The following CTIF variants were observed in gnomAD, a reference collection of about 807,000 sequenced individuals.
CTIF encodes the protein CBP80/20-dependent translation initiation factor.
CTIF carries 21 observed loss-of-function variants against 66.0 expected under a neutral mutation model. The ratio of observed to expected loss-of-function variants is 0.32; its 90% confidence interval spans 0.23 to 0.46. The LOEUF (loss-of-function observed/expected upper bound fraction) is 0.46. Among genes scored for constraint, CTIF ranks in the 20% least tolerant of loss-of-function variants. The pLI, the probability that CTIF is intolerant of heterozygous loss-of-function variation, is 1.00. For missense variants in CTIF, 739 were observed against 812.7 expected (o/e 0.91, Z 1.10); for synonymous variants, 345 against 326.4 (o/e 1.06, Z -0.62).
intron 1 of CTIF, chr18:48,568,296 T>C (rs1222571345): frequency 6.6e-6 from 1 of 151,944 alleles, no homozygotes; most frequent in East Asian, 1.9e-4. Flanking sequence ...GGGAGGATGG[T>C]CAGTGAGCTC....
chr18:48,675,016 C>G (rs1479696908), intron 6 of CTIF, among the ~76,000 whole-genome samples: 1 of 140,222 alleles, frequency 7.1e-6, no homozygotes, highest in Admixed American at 7.7e-5. Context: ...ACTGACATTG[C>G]TCTCTAAGAA....
intron 2 of CTIF, among the ~76,000 whole-genome samples, chr18:48,629,221 G>A: frequency 6.6e-6 from 1 of 152,206 alleles, no homozygotes; most frequent in East Asian, 1.9e-4. Context: ...CCTGGCCTGT[G>A]GACCCCCAAA....
At chr18:48,640,328 G>C (rs923958242) in intron 3 of CTIF, among the ~76,000 whole-genome samples, 2 of 152,210 alleles carry the variant, frequency 1.3e-5, no homozygotes, top group Non-Finnish European at 2.9e-5. Context: ...CCTAAGACGG[G>C]AGTCAGGGCG....
chr18:48,686,611 C>T (rs2091844558), intron 6 of CTIF, among the ~76,000 whole-genome samples: 3 of 152,136 alleles, frequency 2.0e-5, no homozygotes, highest in South Asian at 4.2e-4. Context: ...TCTGCTTCTC[C>T]AGAAATAAAC....
chr18:48,599,582 A>G (rs1224455162), intron 1 of CTIF, among the ~76,000 whole-genome samples: 1 of 152,164 alleles, frequency 6.6e-6, no homozygotes, highest in Non-Finnish European at 1.5e-5. Flanking sequence ...GCCCTTCGTA[A>G]ACAATTCCTG....
chr18:48,830,766 A>T (rs952033265), intron 10 of CTIF, among the ~76,000 whole-genome samples: 1 of 36,302 alleles, frequency 2.8e-5, no homozygotes, highest in Non-Finnish European at 6.0e-5. Context: ...CTGTCCCCCC[A>T]CCACTGTCCC....
intron 1 of CTIF, among the ~76,000 whole-genome samples, chr18:48,572,308 G>C (rs1291572442): frequency 1.3e-5 from 2 of 152,164 alleles, no homozygotes; most frequent in Non-Finnish European, 2.9e-5. Flanking sequence ...ATCTAGATGA[G>C]TGTTTGAGCA....
intron 1 of CTIF, among the ~76,000 whole-genome samples, chr18:48,613,786 G>A (rs1358818274): frequency 6.6e-6 from 1 of 152,216 alleles, no homozygotes; most frequent in Non-Finnish European, 1.5e-5. Context: ...GGAAGCACAG[G>A]CGAAGGAGCT....
intron 1 of CTIF, among the ~76,000 whole-genome samples, chr18:48,615,406 T>C (rs532718729): frequency 6.6e-6 from 1 of 152,280 alleles, no homozygotes; most frequent in Non-Finnish European, 1.5e-5. Context: ...AGCTGGGGCC[T>C]CCCCACTCCC....
At chr18:48,684,224 G>C (rs1393873671) in intron 6 of CTIF, among the ~76,000 whole-genome samples, 2 of 152,122 alleles carry the variant, frequency 1.3e-5, no homozygotes, top group East Asian at 3.9e-4. Context: ...TGGGGAGGTG[G>C]GCCCCAAACA....
chr18:48,539,609 A>T (rs1055288801), intron 1 of CTIF: 1 of 149,902 alleles, frequency 6.7e-6, no homozygotes, highest in Non-Finnish European at 1.5e-5. Flanking sequence ...GTGGCCCTGG[A>T]GCTCCGGCGC....
chr18:48,708,619 G>T (rs532165631), intron 6 of CTIF, among the ~76,000 whole-genome samples: 1 of 152,298 alleles, frequency 6.6e-6, no homozygotes, highest in South Asian at 2.1e-4. Context: ...TATAGCCCTG[G>T]CCTGGATTGT....
chr18:48,704,161 G>A (rs879636122), intron 6 of CTIF, among the ~76,000 whole-genome samples: 4 of 152,108 alleles, frequency 2.6e-5, no homozygotes, highest in Non-Finnish European at 4.4e-5. Context: ...TGGGGGGTTG[G>A]CCTCCCATCT....
At chr18:48,630,298 G>T (rs974474860) in intron 2 of CTIF, among the ~76,000 whole-genome samples, 4 of 152,126 alleles carry the variant, frequency 2.6e-5, no homozygotes, top group East Asian at 1.9e-4. Context: ...CTCAGGGTTG[G>T]GGGGGTGGGC....
intron 1 of CTIF, among the ~76,000 whole-genome samples, chr18:48,605,291 T>C (rs2090182224): frequency 6.6e-6 from 1 of 152,212 alleles, no homozygotes; most frequent in African/African-American, 2.4e-5. Context: ...CTCCAACACT[T>C]GACTCGATAC....
intron 7 of CTIF, among the ~76,000 whole-genome samples, chr18:48,747,015 G>A (rs1311585583): frequency 2.0e-5 from 3 of 152,012 alleles, no homozygotes; most frequent in Admixed American, 6.6e-5. Context: ...CAATTTTGCC[G>A]CTAGATTTTA....
intron 11 of CTIF, among the ~76,000 whole-genome samples, chr18:48,858,893 T>C (rs1277380446): frequency 6.6e-6 from 1 of 152,120 alleles, no homozygotes; most frequent in Non-Finnish European, 1.5e-5. Context: ...CAAGTTCCAA[T>C]GGACACATGT....
chr18:48,790,126 G>C (rs1459921845), intron 9 of CTIF, among the ~76,000 whole-genome samples: 2 of 152,198 alleles, frequency 1.3e-5, no homozygotes, highest in Non-Finnish European at 2.9e-5. Context: ...GAGGACAGAG[G>C]TTCCGCCCCC....
intron 2 of CTIF, among the ~76,000 whole-genome samples, chr18:48,622,150 C>T (rs992796550): frequency 2.6e-5 from 4 of 152,148 alleles, no homozygotes; most frequent in African/African-American, 7.2e-5. Context: ...CACCTGGATG[C>T]TGAGCCAGGC....
Sources: gnomAD v4.1 joint callset for allele counts (sites outside exome capture counted in the v4.1 genomes callset) on GRCh38, gnomAD v4.1.1 for gene constraint, MANE v1.5 for transcripts, NCBI Gene and HGNC (gene_info 2026-07-23, HGNC 2026-07-21) for gene names.